The following UGT2B7 variants were observed in gnomAD, a reference collection of about 807,000 sequenced individuals.
The protein encoded by UGT2B7 is UDP-glucuronosyltransferase 2B7.
Under a neutral mutation model 51.9 loss-of-function variants are expected in UGT2B7, and 51 were observed. The observed-to-expected ratio is 0.98, with a 90% CI of 0.78 to 1.24. UGT2B7 has a LOEUF of 1.24. Among genes scored for constraint, UGT2B7 ranks in the 50% most tolerant of loss-of-function variants. UGT2B7 has a pLI of 0.00. For missense variants in UGT2B7, 727 were observed against 628.4 expected (o/e 1.16, Z -1.68); for synonymous variants, 225 against 211.6 (o/e 1.06, Z -0.55).
At chr4:69,051,493 C>T (rs934067125) in exon 1 of UGT2B7, 2 of 152,458 alleles carry the variant, frequency 1.3e-5, no homozygotes, top group African/African-American at 4.8e-5. Flanking sequence ...GAAATTGCCC[C>T]GGTGGAATCC....
chr4:69,098,554 T>C lies in UGT2B7; in HGVS notation c.736T>C (p.Leu246=). ...YSEVLGRPTT[L]SETMGKADVW... is the part of the protein sequence containing the mutation. ...ATTCCTGTCAGGAAGACCCACTACA[T>C]TATCTGAGACAATGGGGAAAGCTGA... Residue 246 remains leucine, a synonymous_variant, in exon 2 of 6, where the codon TTA becomes CTA. Coordinates refer to ENST00000305231, the MANE Select transcript of UGT2B7 (RefSeq NM_001074.4). 6.2e-7 allele frequency: 1 copy of C among 1,606,748 alleles called. No individual in the cohort carries two copies. Among genetic ancestry groups the C allele is most frequent in the Non-Finnish European group, 8.5e-7 (1 of 1,177,776 alleles).
chr4:69,060,189 C>T (rs187528752), intron 1 of UGT2B7, among the ~76,000 whole-genome samples: 29 of 152,304 alleles, frequency 1.9e-4, no homozygotes, highest in Non-Finnish European at 3.8e-4. Flanking sequence ...CCTGCACTTG[C>T]TATGGAAGGC....
intron 1 of UGT2B7, among the ~76,000 whole-genome samples, chr4:69,055,098 T>TAAAAAAAAAAAAAAAAA (rs1178892377): frequency 1.3e-4 from 3 of 22,562 alleles, no homozygotes; most frequent in African/African-American, 2.0e-4. Flanking sequence ...AAGTAATAGC[T>TAAAAAAAAAAAAAAAAA]AAAAAAAAAA....
intron 1 of UGT2B7, among the ~76,000 whole-genome samples, chr4:69,060,061 C>T (rs1009911141): frequency 1.3e-5 from 2 of 152,188 alleles, no homozygotes; most frequent in Non-Finnish European, 2.9e-5. Flanking sequence ...GAGGCACAGG[C>T]CTCAGACCTT....
exon 2 of UGT2B7, chr4:69,089,554 A>G (rs1334525695): frequency 6.6e-6 from 1 of 152,432 alleles, no homozygotes; most frequent in Non-Finnish European, 1.5e-5. Flanking sequence ...AACCTTATAG[A>G]AGAGAAGGCT....
At chr4:69,064,096 G>GAAAGAGAA (rs1257880397) in intron 1 of UGT2B7, among the ~76,000 whole-genome samples, 1 of 75,726 alleles carries the variant, frequency 1.3e-5, no homozygotes, top group Non-Finnish European at 2.5e-5. Flanking sequence ...AAGAAAGAAA[G>GAAAGAGAA]AGAAAGAAAG....
chr4:69,090,837 C>G (rs1049876659), intron 2 of UGT2B7, among the ~76,000 whole-genome samples: 1 of 152,168 alleles, frequency 6.6e-6, no homozygotes, highest in African/African-American at 2.4e-5. Context: ...AAAGGAAAAT[C>G]TTGATTTCAT....
At chr4:69,077,623 A>T (rs2109871828) in intron 1 of UGT2B7, among the ~76,000 whole-genome samples, 1 of 151,648 alleles carries the variant, frequency 6.6e-6, no homozygotes, top group East Asian at 2.0e-4. Context: ...ATTTTTGCAC[A>T]TTGACTTCGT....
chr4:69,087,909 G>T (rs1718998463), intron 1 of UGT2B7, among the ~76,000 whole-genome samples: 1 of 151,776 alleles, frequency 6.6e-6, no homozygotes, highest in South Asian at 2.1e-4. Flanking sequence ...ATTTAAATAG[G>T]ATGTGCCTTT....
chr4:69,081,037 C>T (rs920347858), intron 1 of UGT2B7, among the ~76,000 whole-genome samples: 1 of 152,114 alleles, frequency 6.6e-6, no homozygotes, highest in Non-Finnish European at 1.5e-5. Context: ...CTTTACCCAA[C>T]AATGAGTCTC....
chr4:69,065,510 C>G (rs1186928268), intron 1 of UGT2B7, among the ~76,000 whole-genome samples: 1 of 152,136 alleles, frequency 6.6e-6, no homozygotes, highest in Non-Finnish European at 1.5e-5. Flanking sequence ...ACTATTTTTA[C>G]ATATAAATCA....
At chr4:69,107,112 T>C (rs1719623204) in intron 3 of UGT2B7, 63 bp from the exon 4 acceptor site, 1 of 1,523,184 alleles carries the variant, frequency 6.6e-7, no homozygotes, top group Admixed American at 1.8e-5. Context: ...CTTTATACAG[T>C]TCTCACATTC....
intron 1 of UGT2B7, among the ~76,000 whole-genome samples, chr4:69,075,602 TC>T (rs779585565): frequency 5.2e-4 from 79 of 152,120 alleles, no homozygotes; most frequent in Non-Finnish European, 9.1e-4. Context: ...GATGATTACA[TC>T]CCCAGCCACC....
chr4:69,081,941 C>T (rs910611618), intron 1 of UGT2B7, among the ~76,000 whole-genome samples: 1 of 152,072 alleles, frequency 6.6e-6, no homozygotes, highest in Non-Finnish European at 1.5e-5. Flanking sequence ...TGCAAGTCTA[C>T]TGACATAATT....
chr4:69,099,244 G>A (rs1458699340), intron 2 of UGT2B7, among the ~76,000 whole-genome samples: 5 of 131,328 alleles, frequency 3.8e-5, no homozygotes, highest in African/African-American at 6.1e-5. Context: ...AAAGAATGAC[G>A]GGGAGAGACA....
At position 69,069,370 on chromosome 4, in the gene UGT2B7, AT is replaced by A. The variant is rs1052367295; in HGVS notation, c.-159+17776del. 6.6e-5 allele frequency among the ~76,000 whole-genome samples: 10 copies of A among 151,698 alleles called. No homozygotes were observed. The South Asian group carries it at 1.0e-3, about 16-fold the overall frequency. On this transcript the variant is annotated intron_variant, in intron 1 of 5. Coordinates refer to the UGT2B7 transcript ENST00000502942. ...AATTCAATCTCTGTACTCTCAATTG[AT>A]TTTTTTTAACCCTTTGGACTTATCT...
chr4:69,094,448 G>A (rs999737902), upstream of UGT2B7, among the ~76,000 whole-genome samples: 2 of 151,248 alleles, frequency 1.3e-5, no homozygotes, highest in Non-Finnish European at 2.9e-5. Flanking sequence ...GCGCCCGGCC[G>A]GTTTCTAAGG....
upstream of UGT2B7, chr4:69,096,391 A>T: frequency 7.1e-7 from 1 of 1,413,000 alleles, no homozygotes. Flanking sequence ...CTGTTGATTT[A>T]ATGATATTGT....
At chr4:69,081,084 T>C (rs185125293) in intron 1 of UGT2B7, among the ~76,000 whole-genome samples, 1 of 152,284 alleles carries the variant, frequency 6.6e-6, no homozygotes, top group East Asian at 1.9e-4. Context: ...AGAAATATTA[T>C]TACTAAATTA....
Sources: gnomAD v4.1 joint callset for allele counts (sites outside exome capture counted in the v4.1 genomes callset) on GRCh38, gnomAD v4.1.1 for gene constraint, MANE v1.5 for transcripts, NCBI Gene and HGNC (gene_info 2026-07-23, HGNC 2026-07-21) for gene names.